Variants in PDE1C observed in about 807,000 individuals in gnomAD.
The protein encoded by PDE1C is phosphodiesterase 1C.
A neutral mutation model predicts 93.1 loss-of-function variants in PDE1C; 62 were observed. The ratio of observed to expected loss-of-function variants is 0.67; its 90% confidence interval spans 0.54 to 0.82. The LOEUF is 0.82. PDE1C is among the 40% of genes least tolerant of loss of function. The pLI is 0.00. For missense variants in PDE1C, 742 were observed against 884.6 expected, an observed-to-expected ratio of 0.84 and a Z score of 2.04; for synonymous variants, 325 against 310.1, an observed-to-expected ratio of 1.05 and a Z score of -0.50.
chr7:32,084,261 T>A (rs1007070620), intron 3 of PDE1C, among the ~76,000 whole-genome samples: 20 of 151,826 alleles, frequency 1.3e-4, no homozygotes, highest in African/African-American at 4.8e-4. Context: ...AAGAAGGCCA[T>A]TAGATAATGG....
At chr7:32,004,867 T>A (rs901728723) in intron 2 of PDE1C, among the ~76,000 whole-genome samples, 5 of 152,352 alleles carry the variant, frequency 3.3e-5, no homozygotes, top group African/African-American at 1.2e-4. Flanking sequence ...GAGAACAGAA[T>A]ACACTTTTTA....
At chr7:31,690,566 T>C in the PDE1C span, among the ~76,000 whole-genome samples, 1 of 152,220 alleles carries the variant, frequency 6.6e-6, no homozygotes, top group Non-Finnish European at 1.5e-5. Flanking sequence ...ATTTAGCAAC[T>C]TCATCGAAGT....
In PDE1C at chr7:32,276,406, TACA is replaced by T. The variant is rs562650835; in HGVS notation, c.85+22242_85+22244del. On this transcript the variant is annotated intron_variant, in intron 1 of 18. Transcript: ENST00000396193. ...AAAAAACGTTTAAACTTCCCAAACATACAACATCTCCTTCAGCTCTCATGTTAG... is the reference window on the plus strand; with the variant it reads ...AAAAAACGTTTAAACTTCCCAAACATACATCTCCTTCAGCTCTCATGTTAG... 2.7e-3 allele frequency among the ~76,000 whole-genome samples: 406 copies of T among 152,318 alleles called. 1 individual carries two copies. The highest frequency in any genetic ancestry group is 9.4e-3 in the African/African-American group (391 of 41,570).
At chr7:31,620,452 G>GA in the PDE1C span, among the ~76,000 whole-genome samples, 1 of 151,500 alleles carries the variant, frequency 6.6e-6, no homozygotes, top group Non-Finnish European at 1.5e-5. Flanking sequence ...CGAGATTCAC[G>GA]AAAAATACCT....
the PDE1C span, among the ~76,000 whole-genome samples, chr7:31,738,068 C>T: frequency 9.4e-4 from 143 of 152,260 alleles, no homozygotes; most frequent in Non-Finnish European, 1.5e-3. Flanking sequence ...CTCTCCTGTG[C>T]CCCAGTGCTG....
At chr7:32,408,653 G>A (rs552066230) in intron 1 of PDE1C, among the ~76,000 whole-genome samples, 3 of 152,244 alleles carry the variant, frequency 2.0e-5, no homozygotes, top group East Asian at 1.9e-4. Flanking sequence ...GCCAGGCATG[G>A]TAGTGGGTGC....
chr7:31,661,710 G>A, the PDE1C span, among the ~76,000 whole-genome samples: 18 of 152,230 alleles, frequency 1.2e-4, no homozygotes, highest in Non-Finnish European at 1.9e-4. Flanking sequence ...GTGAAACTCC[G>A]TCTCAAAAAA....
intron 2 of PDE1C, among the ~76,000 whole-genome samples, chr7:31,917,675 C>T (rs923678836): frequency 6.6e-6 from 1 of 152,140 alleles, no homozygotes; most frequent in African/African-American, 2.4e-5. Flanking sequence ...GCTTCCCTGT[C>T]CCCAATTATT....
At chr7:32,119,265 G>A (rs1799158815) in intron 3 of PDE1C, among the ~76,000 whole-genome samples, 1 of 152,108 alleles carries the variant, frequency 6.6e-6, no homozygotes, top group Non-Finnish European at 1.5e-5. Context: ...ACTGCCAGCT[G>A]AAAACCTACA....
the PDE1C span, among the ~76,000 whole-genome samples, chr7:31,631,637 A>G: frequency 2.6e-5 from 4 of 152,206 alleles, no homozygotes; most frequent in Admixed American, 6.5e-5. Context: ...TTGACTGAAG[A>G]ACAAAGGGAC....
At chr7:31,835,686 G>A (rs1312551556) in intron 11 of PDE1C, among the ~76,000 whole-genome samples, 1 of 151,386 alleles carries the variant, frequency 6.6e-6, no homozygotes, top group East Asian at 1.9e-4. Flanking sequence ...ATAAATCACA[G>A]ATAAGACCAT....
chr7:32,267,612 T>TCACACACACACA (rs1810697203), intron 1 of PDE1C, among the ~76,000 whole-genome samples: 1 of 148,652 alleles, frequency 6.7e-6, no homozygotes, highest in Non-Finnish European at 1.5e-5. Context: ...TCTCTCTCTC[T>TCACACACACACA]CTCTCTCTCT....
chr7:31,631,948 C>T, the PDE1C span, among the ~76,000 whole-genome samples: 17 of 152,148 alleles, frequency 1.1e-4, no homozygotes, highest in African/African-American at 3.9e-4. Flanking sequence ...TTTGATGACG[C>T]CGGCCGACCA....
chr7:31,912,440 C>A lies in PDE1C; in HGVS notation c.129-31580G>T, dbSNP rs532855590. On this transcript the variant is annotated intron_variant, in intron 2 of 17. Coordinates refer to ENST00000396191, the MANE Select transcript of PDE1C (RefSeq NM_001191057.4). ...GTGGCTCATGCCTATAATCCCAGTACTTTGGGAGGCCGAGACAGGTGGAAT... is the reference window on the plus strand; with the variant it reads ...GTGGCTCATGCCTATAATCCCAGTAATTTGGGAGGCCGAGACAGGTGGAAT... Among the ~76,000 whole-genome samples, 122 of 152,082 alleles carry A rather than the reference C, an allele frequency of 8.0e-4. 2 individuals are homozygous for A. The Middle Eastern group carries it at 0.024, about 30-fold the overall frequency.
intron 11 of PDE1C, among the ~76,000 whole-genome samples, chr7:31,835,718 G>A (rs1308584670): frequency 6.6e-6 from 1 of 151,644 alleles, no homozygotes; most frequent in Non-Finnish European, 1.5e-5. Context: ...GAAGCAATTT[G>A]ATTAGACTCA....
At position 32,112,231 on chromosome 7, in the gene PDE1C, G is replaced by T. The variant is rs546888709; in HGVS notation, c.308+57554C>A. On this transcript the variant is annotated intron_variant, in intron 3 of 18. Transcript: ENST00000396193. ...CAGCCTTTGTCACCTCCAAAATGAT[G>T]TTTTCTATCTTCTCCTGCTTCCTTA... Among the ~76,000 whole-genome samples, 13 of 152,148 alleles carry T rather than the reference G, an allele frequency of 8.5e-5. No homozygotes were observed. In the East Asian group the frequency reaches 2.3e-3, roughly 27 times the overall value.
intron 1 of PDE1C, among the ~76,000 whole-genome samples, chr7:32,327,097 T>C (rs1428117984): frequency 6.6e-6 from 1 of 152,086 alleles, no homozygotes; most frequent in Non-Finnish European, 1.5e-5. Context: ...CACAGAAACA[T>C]CTCCGTAATC....
upstream of PDE1C, chr7:32,428,181 A>G (rs1029711822): frequency 7.9e-5 from 12 of 152,412 alleles, no homozygotes; most frequent in African/African-American, 2.9e-4. Flanking sequence ...TCCCCGAGGA[A>G]TCCACGGCCC....
At chr7:32,022,028 A>G (rs1420512149) in intron 2 of PDE1C, among the ~76,000 whole-genome samples, 1 of 152,152 alleles carries the variant, frequency 6.6e-6, no homozygotes, top group African/African-American at 2.4e-5. Flanking sequence ...ACTTAAGTAC[A>G]TAATTAGGTT....
Sources: allele counts gnomAD v4.1 joint callset (sites outside exome capture counted in the v4.1 genomes callset), GRCh38; gene constraint gnomAD v4.1.1; transcripts MANE v1.5; gene names NCBI Gene and HGNC (gene_info 2026-07-23, HGNC 2026-07-21).